Variants in EML4 observed in about 807,000 individuals in gnomAD.
EML4 encodes echinoderm microtubule-associated protein-like 4.
In EML4, 72 loss-of-function variants were observed where a neutral mutation model predicts 129.0. The ratio of observed to expected loss-of-function variants is 0.56; its 90% CI spans 0.46 to 0.68. The LOEUF (loss-of-function observed/expected upper bound fraction) is 0.68. Among genes scored for constraint, EML4 ranks in the 30% least tolerant of loss-of-function variants. The pLI is 0.00. For synonymous variants in EML4, 532 were observed against 405.0 expected, an observed-to-expected ratio of 1.31 and a Z score of -3.77; for missense variants, 1,363 against 1,190.6, an observed-to-expected ratio of 1.14 and a Z score of -2.13.
At chr2:42,305,897 A>G (rs1668570757) in intron 17 of EML4, among the ~76,000 whole-genome samples, 1 of 152,196 alleles carries the variant, frequency 6.6e-6, no homozygotes, top group Non-Finnish European at 1.5e-5. Context: ...GTTTTTTTAT[A>G]GCGATTTTTC....
intron 17 of EML4, among the ~76,000 whole-genome samples, chr2:42,315,550 A>G (rs763548760): frequency 1.7e-4 from 26 of 152,200 alleles, no homozygotes; most frequent in African/African-American, 6.3e-4. Context: ...ATCATACTTA[A>G]GGACCATTAT....
rs74961510 is a variant in EML4, at chr2:42,241,256, C to T, written c.26-4249C>T. Among the ~76,000 whole-genome samples the T allele has an allele frequency of 2.0e-3, 304 of 152,180 alleles. 1 individual carries two copies. The highest frequency in any genetic ancestry group is 7.0e-3 in the African/African-American group (289 of 41,518). ...TATTGAATTCTCAAAGAAATTCATG[C>T]CCCTGAAAGGGTTAAGAGCCAGGAT... is the stretch of plus-strand genomic sequence containing the variant. On this transcript the variant is annotated intron_variant, in intron 1 of 22. Coordinates refer to ENST00000318522, the MANE Select transcript of EML4 (RefSeq NM_019063.5).
chr2:42,292,544 A>G (rs2103665016), intron 11 of EML4, among the ~76,000 whole-genome samples: 1 of 152,360 alleles, frequency 6.6e-6, no homozygotes, highest in Admixed American at 6.5e-5. Flanking sequence ...GTATAATTCC[A>G]TTTGAATGAA....
Position 42,295,419 on chromosome 2 carries a change from C to G in EML4, c.1392C>G (p.Phe464Leu), listed in dbSNP as rs777739683. ...CAAAATTTGTGCAGTGTTTAGCATT[C>G]TTGGGGAATGGAGATGTTCTTACTG... ...EKPKFVQCLA[F>L]LGNGDVLTGD... Residue 464 changes from phenylalanine (F) to leucine (L), a missense_variant, in exon 13 of 23, where the codon TTC becomes TTG. Phe to Leu is a conservative substitution (Grantham distance 22). Transcript: ENST00000318522. The G allele has an allele frequency of 6.2e-7, 1 of 1,613,912 alleles. No individual in the cohort carries two copies. The highest frequency in any genetic ancestry group is 1.7e-5 in the Admixed American group (1 of 60,006).
At position 42,295,478 on chromosome 2, in the gene EML4, A is replaced by C. The variant is rs762250623; in HGVS notation, c.1451A>C (p.Lys484Thr). ...GGTGGAGTCATGCTTATATGGAGCA[A>C]AACTACTGTAGAGCCCACACCTGGG... ...DSGGVMLIWSKTTVEPTPGKG... is the reference protein window; with the variant it reads ...DSGGVMLIWSTTTVEPTPGKG... The change falls in exon 13 of 23, where the codon AAA becomes ACA. Residue 484 changes from lysine (K) to threonine (T), a missense_variant. By Grantham distance (78) the Lys-to-Thr change is moderately conservative (BLOSUM62 -1). Transcript: ENST00000318522. 6.2e-7 allele frequency: 1 copy of C among 1,614,012 alleles called. No individual in the cohort carries two copies. Among genetic ancestry groups the C allele is most frequent in the East Asian group, 2.2e-5 (1 of 44,858 alleles).
intron 1 of EML4, among the ~76,000 whole-genome samples, chr2:42,223,090 C>T (rs532283831): frequency 6.6e-6 from 1 of 152,234 alleles, no homozygotes; most frequent in South Asian, 2.1e-4. Context: ...CAGACGTGAG[C>T]CACCGTGCCT....
rs764627495 is a variant in EML4, at chr2:42,202,557, G to A, written c.25+32921G>A. On this transcript the variant is annotated intron_variant, in intron 1 of 22. Transcript: ENST00000318522. The stretch of plus-strand genomic sequence containing the variant: ...CATCTCCACACTGAGGAGCAAGGAA[G>A]CCAGTCTGAGTCCCAAAGCTGAAGA... Among the ~76,000 whole-genome samples the A allele has an allele frequency of 1.5e-4, 23 of 152,222 alleles. 1 individual carries two copies. The highest frequency in any genetic ancestry group is 4.4e-5 in the Non-Finnish European group (3 of 68,046).
intron 1 of EML4, among the ~76,000 whole-genome samples, chr2:42,224,657 A>G (rs1014889406): frequency 2.6e-5 from 4 of 152,190 alleles, no homozygotes; most frequent in Non-Finnish European, 4.4e-5. Context: ...TACTGTTTAC[A>G]TTCCCACTAG....
At chr2:42,223,271 A>G (rs1221743892) in intron 1 of EML4, among the ~76,000 whole-genome samples, 1 of 152,158 alleles carries the variant, frequency 6.6e-6, no homozygotes, top group East Asian at 1.9e-4. Flanking sequence ...GTGATTACGT[A>G]AAGATTACTG....
chr2:42,278,573 C>G (rs1160542930), intron 6 of EML4, among the ~76,000 whole-genome samples: 1 of 54,262 alleles, frequency 1.8e-5, no homozygotes, highest in Non-Finnish European at 3.2e-5. Context: ...GACTCCATCT[C>G]AAAAAAAAAA....
chr2:42,273,319 C>G (rs916550613), intron 6 of EML4, among the ~76,000 whole-genome samples: 2 of 152,120 alleles, frequency 1.3e-5, no homozygotes, highest in African/African-American at 4.8e-5. Context: ...TCTTTTCCAT[C>G]TTTTCCCAAT....
intron 4 of EML4, among the ~76,000 whole-genome samples, chr2:42,262,492 G>C (rs1292242018): frequency 6.6e-6 from 1 of 151,952 alleles, no homozygotes; most frequent in African/African-American, 2.4e-5. Flanking sequence ...AGCTTCTTGA[G>C]GTCTCCTGGA....
intron 6 of EML4, among the ~76,000 whole-genome samples, chr2:42,279,763 C>T (rs1400208940): frequency 1.4e-5 from 2 of 141,096 alleles, no homozygotes; most frequent in Admixed American, 1.4e-4. Flanking sequence ...CGTGAGCCAC[C>T]GCGCCCGGCT....
intron 2 of EML4, among the ~76,000 whole-genome samples, chr2:42,248,148 CT>C (rs1302710743): frequency 6.6e-6 from 1 of 151,702 alleles, no homozygotes; most frequent in South Asian, 2.1e-4. Flanking sequence ...AAAACCTTTT[CT>C]TTTTTTTGTA....
At chr2:42,278,247 G>A (rs1666767248) in intron 6 of EML4, among the ~76,000 whole-genome samples, 1 of 152,064 alleles carries the variant, frequency 6.6e-6, no homozygotes, top group African/African-American at 2.4e-5. Flanking sequence ...GTCGGGGTGG[G>A]GTTTTTTTGG....
At chr2:42,264,783 T>C in intron 6 of EML4, 52 bp downstream of exon 6, 2 of 1,437,728 alleles carry the variant, frequency 1.4e-6, no homozygotes, top group South Asian at 1.2e-5. Context: ...TAGTTTAATT[T>C]TTGCTAATTG....
chr2:42,246,191 A>G (rs1342453077), intron 2 of EML4, among the ~76,000 whole-genome samples: 1 of 152,166 alleles, frequency 6.6e-6, no homozygotes, highest in African/African-American at 2.4e-5. Context: ...CTAACTTTCC[A>G]GTATTGGGAG....
At chr2:42,267,103 C>T (rs193041801) in intron 6 of EML4, among the ~76,000 whole-genome samples, 2 of 152,214 alleles carry the variant, frequency 1.3e-5, no homozygotes, top group Admixed American at 1.3e-4. Context: ...TTACTTCAAC[C>T]TCCCTAAGTC....
intron 11 of EML4, among the ~76,000 whole-genome samples, chr2:42,291,928 C>T (rs1667668540): frequency 6.6e-6 from 1 of 152,082 alleles, no homozygotes; most frequent in African/African-American, 2.4e-5. Context: ...CAAATTAAAA[C>T]CCAAGTGCAA....
Sources: allele counts gnomAD v4.1 joint callset (sites outside exome capture counted in the v4.1 genomes callset), GRCh38; gene constraint gnomAD v4.1.1; transcripts MANE v1.5; gene names NCBI Gene and HGNC (gene_info 2026-07-23, HGNC 2026-07-21).